TCF12: variants seen among roughly 807,000 people sequenced by gnomAD.
TCF12 encodes DNA-binding protein HTF4.
In TCF12, 45 loss-of-function variants were observed where a neutral mutation model predicts 86.0. That is an observed-to-expected ratio of 0.52 (90% CI 0.41 to 0.67). The LOEUF (loss-of-function observed/expected upper bound fraction) is 0.67. Among genes scored for constraint, TCF12 ranks in the 30% least tolerant of loss-of-function variants. TCF12 has a pLI of 0.00. For missense variants in TCF12, 881 were observed against 859.9 expected (o/e 1.02, Z -0.31); for synonymous variants, 330 against 299.6 (o/e 1.10, Z -1.05).
intron 5 of TCF12, among the ~76,000 whole-genome samples, chr15:57,134,084 A>G (rs1304884759): frequency 2.6e-5 from 4 of 152,210 alleles, no homozygotes; most frequent in Non-Finnish European, 5.9e-5. Flanking sequence ...TTGCAGTTTA[A>G]ATGTCAAGAA....
chr15:57,158,184 G>GT (rs374179677), intron 5 of TCF12, among the ~76,000 whole-genome samples: 2,314 of 134,054 alleles, frequency 0.017, 125 homozygotes, highest in African/African-American at 0.049. Flanking sequence ...TCAGAAAGTC[G>GT]TTTCTTTTTT....
intron 5 of TCF12, among the ~76,000 whole-genome samples, chr15:57,120,816 GGTT>G (rs1159572911): frequency 1.1e-4 from 16 of 152,136 alleles, no homozygotes; most frequent in African/African-American, 3.9e-4. Flanking sequence ...GGAAGAGTTT[GGTT>G]GTTAAGTGGG....
intron 4 of TCF12, among the ~76,000 whole-genome samples, chr15:57,074,890 C>G (rs2069749851): frequency 6.6e-6 from 1 of 152,118 alleles, no homozygotes; most frequent in African/African-American, 2.4e-5. Flanking sequence ...CCTAAATTAG[C>G]TTATATAGGC....
At chr15:56,992,425 T>G (rs9944178) in intron 3 of TCF12, among the ~76,000 whole-genome samples, 339 of 152,358 alleles carry the variant, frequency 2.2e-3, no homozygotes, top group African/African-American at 7.9e-3. Context: ...AGCCAGGGTT[T>G]GAAAGAGATT....
At chr15:57,234,209 A>G in intron 12 of TCF12, 102 bp downstream of exon 12, 1 of 897,850 alleles carries the variant, frequency 1.1e-6, no homozygotes, top group Non-Finnish European at 1.8e-6. Flanking sequence ...TAGATGTAAC[A>G]AGATCAATTT....
chr15:57,071,991 T>C (rs1012777339), intron 4 of TCF12, among the ~76,000 whole-genome samples: 2 of 152,356 alleles, frequency 1.3e-5, no homozygotes, highest in African/African-American at 4.8e-5. Context: ...AAAAAAATGT[T>C]ATCTATTCTT....
At chr15:57,028,424 G>C (rs1402155769) in intron 3 of TCF12, among the ~76,000 whole-genome samples, 1 of 152,144 alleles carries the variant, frequency 6.6e-6, no homozygotes, top group Non-Finnish European at 1.5e-5. Context: ...TCATGTGGTA[G>C]TATCTCATTA....
At chr15:56,925,360 A>G (rs1334549331) in intron 3 of TCF12, among the ~76,000 whole-genome samples, 1 of 151,558 alleles carries the variant, frequency 6.6e-6, no homozygotes, top group Non-Finnish European at 1.5e-5. Flanking sequence ...CATACCTACA[A>G]TTACTGTTTT....
Position 57,184,382 on chromosome 15 carries a change from T to C in TCF12, c.391-7776T>C, listed in dbSNP as rs188320020. Among the ~76,000 whole-genome samples, 23 of 152,328 alleles carry C rather than the reference T, an allele frequency of 1.5e-4. No homozygotes were observed. In the East Asian group the frequency reaches 2.5e-3, roughly 17 times the overall value. ...ACCCCTAATATAAATCACTCTCTTA[T>C]ATTCCCATAAGAATTTGTATGCCAG... On this transcript the variant is annotated intron_variant, in intron 6 of 20. Coordinates refer to ENST00000333725, the MANE Select transcript of TCF12 (RefSeq NM_207037.2).
chr15:57,114,506 C>T (rs1236942285), intron 5 of TCF12, among the ~76,000 whole-genome samples: 3 of 151,974 alleles, frequency 2.0e-5, no homozygotes, highest in Admixed American at 6.6e-5. Context: ...GTTTGTTGCC[C>T]ATGCTGGTCT....
chr15:57,195,566 C>G (rs1413421033), intron 7 of TCF12, among the ~76,000 whole-genome samples: 1 of 152,190 alleles, frequency 6.6e-6, no homozygotes, highest in Non-Finnish European at 1.5e-5. Flanking sequence ...GAAATATAGG[C>G]TTGCCTCTTG....
chr15:57,285,426 T>C (rs941015842), intron 20 of TCF12, among the ~76,000 whole-genome samples: 3 of 152,256 alleles, frequency 2.0e-5, no homozygotes, highest in African/African-American at 2.4e-5. Context: ...ATAGAATTTG[T>C]ACTAATAGAG....
intron 3 of TCF12, among the ~76,000 whole-genome samples, chr15:56,932,960 CAGAT>C (rs1264960240): frequency 6.6e-6 from 1 of 152,180 alleles, no homozygotes; most frequent in Non-Finnish European, 1.5e-5. Flanking sequence ...GCTACAACCT[CAGAT>C]AGCTTTATAA....
At chr15:57,275,719 G>A (rs1188965481) in intron 19 of TCF12, among the ~76,000 whole-genome samples, 1 of 151,868 alleles carries the variant, frequency 6.6e-6, no homozygotes, top group Non-Finnish European at 1.5e-5. Context: ...GACCTATTTG[G>A]GCATCCTCTG....
At chr15:57,138,112 T>C (rs2052688621) in intron 5 of TCF12, among the ~76,000 whole-genome samples, 1 of 152,164 alleles carries the variant, frequency 6.6e-6, no homozygotes, top group Non-Finnish European at 1.5e-5. Flanking sequence ...GCCAGTTCTC[T>C]CCTTGGTAGA....
intron 8 of TCF12, among the ~76,000 whole-genome samples, chr15:57,230,837 A>T (rs1447904291): frequency 6.6e-6 from 1 of 152,012 alleles, no homozygotes; most frequent in Non-Finnish European, 1.5e-5. Context: ...TCCTGAGCCT[A>T]TGTGAGGTTT....
intron 8 of TCF12, among the ~76,000 whole-genome samples, chr15:57,200,006 C>T (rs145626044): frequency 0.011 from 1,712 of 151,062 alleles, 31 homozygotes; most frequent in African/African-American, 0.039. Context: ...CTCATCCTCC[C>T]AAGTAGCTGG....
At chr15:56,961,534 T>C (rs1036608518) in intron 3 of TCF12, among the ~76,000 whole-genome samples, 4 of 152,206 alleles carry the variant, frequency 2.6e-5, no homozygotes, top group African/African-American at 2.4e-5. Flanking sequence ...ATTATGCATA[T>C]GGTAAATGTT....
intron 8 of TCF12, among the ~76,000 whole-genome samples, chr15:57,224,951 G>T (rs1199445564): frequency 1.3e-5 from 2 of 152,078 alleles, no homozygotes; most frequent in African/African-American, 2.4e-5. Context: ...TCTAGTAGCA[G>T]ATTGGAGTTT....
Sources: gnomAD v4.1 joint callset for allele counts (sites outside exome capture counted in the v4.1 genomes callset) on GRCh38, gnomAD v4.1.1 for gene constraint, MANE v1.5 for transcripts, NCBI Gene and HGNC (gene_info 2026-07-23, HGNC 2026-07-21) for gene names.